The following THSD7A variants were observed in gnomAD, a reference collection of about 807,000 sequenced individuals.
The protein encoded by THSD7A is thrombospondin type-1 domain-containing protein 7A.
A neutral mutation model predicts 231.3 loss-of-function variants in THSD7A; 96 were observed. That is an observed-to-expected ratio of 0.41 (90% CI 0.35 to 0.49). The LOEUF (loss-of-function observed/expected upper bound fraction) is 0.49. Among genes scored for constraint, THSD7A ranks in the 20% least tolerant of loss-of-function variants. The probability of loss-of-function intolerance (pLI) is 0.05; values close to 1 mark genes in which losing one functional copy is unlikely to be tolerated. For synonymous variants in THSD7A, 940 were observed against 743.3 expected (o/e 1.26, Z -4.30); for missense variants, 2,290 against 2,070.2 (o/e 1.11, Z -2.06).
At chr7:11,688,492 GC>G (rs1407055748) in intron 1 of THSD7A, among the ~76,000 whole-genome samples, 1 of 151,802 alleles carries the variant, frequency 6.6e-6, no homozygotes, top group Non-Finnish European at 1.5e-5. Context: ...ATGAGATGAT[GC>G]CATGGGGGAA....
intron 7 of THSD7A, among the ~76,000 whole-genome samples, chr7:11,480,345 G>A (rs114112208): frequency 1.0e-3 from 152 of 152,148 alleles, no homozygotes; most frequent in African/African-American, 3.5e-3. Flanking sequence ...CTCGGGGTGG[G>A]GTGAAAAGTC....
intron 1 of THSD7A, among the ~76,000 whole-genome samples, chr7:11,763,873 T>C (rs1355514809): frequency 6.6e-6 from 1 of 152,290 alleles, no homozygotes; most frequent in Non-Finnish European, 1.5e-5. Context: ...GTTGGAGCTA[T>C]AATCTAAAAT....
chr7:11,738,429 C>G (rs930439820), intron 1 of THSD7A, among the ~76,000 whole-genome samples: 4 of 151,938 alleles, frequency 2.6e-5, no homozygotes, highest in African/African-American at 7.2e-5. Flanking sequence ...CACTGGTTAA[C>G]CCAATATGAA....
At chr7:11,598,006 G>T (rs1012009161) in intron 2 of THSD7A, among the ~76,000 whole-genome samples, 1 of 152,176 alleles carries the variant, frequency 6.6e-6, no homozygotes, top group Non-Finnish European at 1.5e-5. Context: ...TGCACGGTAT[G>T]CAGGCGCCAC....
chr7:11,400,645 GT>G (rs1183927817), intron 23 of THSD7A, among the ~76,000 whole-genome samples: 11 of 152,150 alleles, frequency 7.2e-5, no homozygotes, highest in African/African-American at 2.7e-4. Flanking sequence ...CATATGGAGT[GT>G]TTTACCTAGT....
chr7:11,717,133 G>A (rs1302988325), intron 1 of THSD7A, among the ~76,000 whole-genome samples: 3 of 148,956 alleles, frequency 2.0e-5, no homozygotes, highest in Non-Finnish European at 4.5e-5. Flanking sequence ...AGTGCTAATT[G>A]ACTTTATGTA....
At chr7:11,730,611 C>T (rs115818239) in intron 1 of THSD7A, among the ~76,000 whole-genome samples, 2,556 of 151,568 alleles carry the variant, frequency 0.017, 79 homozygotes, top group African/African-American at 0.059. Flanking sequence ...CTGCATCTTA[C>T]TCTCTTCACC....
At chr7:11,495,106 T>A (rs1029821709) in intron 6 of THSD7A, among the ~76,000 whole-genome samples, 1 of 152,100 alleles carries the variant, frequency 6.6e-6, no homozygotes, top group African/African-American at 2.4e-5. Context: ...GATGCATTTC[T>A]TTTTTCAAAC....
At chr7:11,772,984 C>T (rs943167591) in intron 1 of THSD7A, among the ~76,000 whole-genome samples, 2 of 152,082 alleles carry the variant, frequency 1.3e-5, no homozygotes, top group African/African-American at 4.8e-5. Flanking sequence ...AGAAAAGAAA[C>T]TACAGTGATT....
chr7:11,616,663 T>C (rs1472138121), intron 2 of THSD7A, among the ~76,000 whole-genome samples: 2 of 152,174 alleles, frequency 1.3e-5, no homozygotes, highest in Non-Finnish European at 2.9e-5. Flanking sequence ...TGTTCTCCTG[T>C]TCTCACGTTG....
intron 4 of THSD7A, among the ~76,000 whole-genome samples, chr7:11,587,302 G>A (rs1779949132): frequency 6.6e-6 from 1 of 152,128 alleles, no homozygotes; most frequent in Admixed American, 6.5e-5. Context: ...ATATCAGCTG[G>A]CTGAACAAAA....
In THSD7A at chr7:11,632,149, CTCTT is replaced by C. The variant is rs1554354045; in HGVS notation, c.1022+3977_1022+3980del. ...ATCTTGTGAAGTTAGCCTTTCCTCT[CTCTT>C]TATTTTTCAGTATTTTCCTGTCTAA... On this transcript the variant is annotated intron_variant, in intron 2 of 27. Transcript: ENST00000423059. This position sits in a 1 kb window ranked among gnomAD's most constrained non-coding sequence, Gnocchi z 4.1. Among the ~76,000 whole-genome samples the C allele has an allele frequency of 2.0e-5, 3 of 152,028 alleles. No homozygotes were observed. Among genetic ancestry groups the C allele is most frequent in the Non-Finnish European group, 2.9e-5 (2 of 67,998 alleles).
chr7:11,739,702 T>C (rs900604765), intron 1 of THSD7A, among the ~76,000 whole-genome samples: 1 of 152,012 alleles, frequency 6.6e-6, no homozygotes, highest in Admixed American at 6.6e-5. Flanking sequence ...TAGATAGGCA[T>C]GAACCACAGC....
chr7:11,716,438 C>G (rs1781139832), intron 1 of THSD7A, among the ~76,000 whole-genome samples: 1 of 151,602 alleles, frequency 6.6e-6, no homozygotes, highest in African/African-American at 2.4e-5. Flanking sequence ...CCTGCCCAAC[C>G]CTGCTCTGTG....
At chr7:11,693,911 C>T (rs1780310969) in intron 1 of THSD7A, among the ~76,000 whole-genome samples, 1 of 151,472 alleles carries the variant, frequency 6.6e-6, no homozygotes, top group Admixed American at 6.6e-5. Context: ...TATTCCATGA[C>T]AATTCAATAA....
At chr7:11,487,761 C>G (rs1386415182) in intron 6 of THSD7A, among the ~76,000 whole-genome samples, 1 of 152,100 alleles carries the variant, frequency 6.6e-6, no homozygotes, top group East Asian at 1.9e-4. Context: ...GAATTATTCA[C>G]TACCATGAGA....
At chr7:11,502,661 C>A (rs1383654912) in intron 6 of THSD7A, among the ~76,000 whole-genome samples, 1 of 152,076 alleles carries the variant, frequency 6.6e-6, no homozygotes, top group African/African-American at 2.4e-5. Context: ...TATACACCAT[C>A]AACAACCAAA....
intron 1 of THSD7A, among the ~76,000 whole-genome samples, chr7:11,776,477 C>T (rs935323424): frequency 1.3e-5 from 2 of 152,134 alleles, no homozygotes; most frequent in African/African-American, 2.4e-5. Context: ...CTATTCACAA[C>T]CTTATTTGCT....
chr7:11,782,705 T>G (rs1323636739), intron 1 of THSD7A, among the ~76,000 whole-genome samples: 2 of 152,168 alleles, frequency 1.3e-5, no homozygotes, highest in African/African-American at 4.8e-5. Flanking sequence ...CATTGGTTAC[T>G]CTCTCCTACT....
Sources: allele counts gnomAD v4.1 joint callset (sites outside exome capture counted in the v4.1 genomes callset), GRCh38; gene constraint gnomAD v4.1.1; non-coding constraint Gnocchi (gnomAD v3.1); transcripts MANE v1.5; gene names NCBI Gene and HGNC (gene_info 2026-07-23, HGNC 2026-07-21).